Variants in DUSP10 observed in about 807,000 individuals in gnomAD.
The protein encoded by DUSP10 is dual specificity phosphatase 10, also known as dual specificity protein phosphatase 10.
Under a neutral mutation model 30.8 loss-of-function variants are expected in DUSP10, and 14 were observed. That is an observed-to-expected ratio of 0.46 (90% CI 0.30 to 0.71). DUSP10 has a LOEUF of 0.71. Ranked by LOEUF, DUSP10 falls within the 30% of genes least tolerant of loss-of-function variation. DUSP10 has a pLI of 0.08. For synonymous variants in DUSP10, 254 were observed against 250.4 expected (o/e 1.01, Z -0.14); for missense variants, 550 against 619.4 (o/e 0.89, Z 1.19).
intron 2 of DUSP10, among the ~76,000 whole-genome samples, chr1:221,726,225 C>A (rs1364187974): frequency 6.6e-6 from 1 of 152,200 alleles, no homozygotes; most frequent in Non-Finnish European, 1.5e-5. Flanking sequence ...CCCAAAATGG[C>A]AGCTAGTACC....
At chr1:221,721,740 G>T (rs1661283719) in intron 2 of DUSP10, among the ~76,000 whole-genome samples, 1 of 152,178 alleles carries the variant, frequency 6.6e-6, no homozygotes, top group Non-Finnish European at 1.5e-5. Flanking sequence ...ATGGAAGGTA[G>T]TCATGAAAGG....
chr1:221,719,663 C>T (rs1661220710), intron 2 of DUSP10, among the ~76,000 whole-genome samples: 1 of 152,216 alleles, frequency 6.6e-6, no homozygotes, highest in Non-Finnish European at 1.5e-5. Context: ...GAATGAAGCG[C>T]TGACCTGGGA....
intron 2 of DUSP10, among the ~76,000 whole-genome samples, chr1:221,730,540 C>T (rs997039548): frequency 6.6e-6 from 1 of 152,078 alleles, no homozygotes; most frequent in African/African-American, 2.4e-5. Context: ...GGGTTGGGGG[C>T]GGTGGCCTGA....
At chr1:221,714,686 G>C (rs1028068294) in intron 2 of DUSP10, among the ~76,000 whole-genome samples, 5 of 152,044 alleles carry the variant, frequency 3.3e-5, no homozygotes, top group Admixed American at 3.3e-4. Context: ...TTTTCCTCTG[G>C]GAAGTCACCT....
intron 2 of DUSP10, among the ~76,000 whole-genome samples, chr1:221,737,781 G>A (rs1310926229): frequency 6.6e-6 from 1 of 152,224 alleles, no homozygotes; most frequent in African/African-American, 2.4e-5. Context: ...GGGAAGACAA[G>A]AAGGAGAATG....
chr1:221,732,236 G>A (rs1269218252), intron 2 of DUSP10, among the ~76,000 whole-genome samples: 2 of 152,222 alleles, frequency 1.3e-5, no homozygotes, highest in African/African-American at 4.8e-5. Context: ...CAGCTGTGGA[G>A]ACCACCTACC....
chr1:221,716,523 TCA>T (rs1661112376), intron 2 of DUSP10, among the ~76,000 whole-genome samples: 3 of 151,798 alleles, frequency 2.0e-5, no homozygotes, highest in Admixed American at 6.6e-5. Context: ...CTGTGTAGTC[TCA>T]TTTTTTTTTC....
rs1245367877 is a variant in DUSP10, at chr1:221,702,486, C to T, written c.1375G>A (p.Glu459Lys). Reference protein sequence around the residue: ...LNFMGQLLEFEEDLNNGVTPR... With the variant: ...LNFMGQLLEFKEDLNNGVTPR... Reference sequence around the variant, plus strand: ...GTCACACCGTTGTTTAGGTCTTCCTCGAACTCTAGCAACTGCCCCATGAAG... The same window carrying T: ...GTCACACCGTTGTTTAGGTCTTCCTTGAACTCTAGCAACTGCCCCATGAAG... The change falls in exon 4 of 4, where the codon GAG becomes AAG. Residue 459 changes from glutamate (E) to lysine (K), a missense_variant. Physicochemically the swap from Glu to Lys is moderately conservative, Grantham distance 56. Transcript: ENST00000366899. This position sits in a 1 kb window ranked among gnomAD's most constrained non-coding sequence, Gnocchi z 4.5. The T allele has an allele frequency of 3.1e-6, 5 of 1,613,982 alleles. No individual in the cohort carries two copies. The highest frequency in any genetic ancestry group is 1.7e-5 in the Admixed American group (1 of 59,982).
chr1:221,714,307 A>G (rs1661029169), intron 2 of DUSP10, among the ~76,000 whole-genome samples: 1 of 152,186 alleles, frequency 6.6e-6, no homozygotes, highest in Non-Finnish European at 1.5e-5. Flanking sequence ...CCTTTTAATG[A>G]AAAGCAGCCC....
intron 2 of DUSP10, among the ~76,000 whole-genome samples, chr1:221,733,031 G>C (rs963040375): frequency 1.2e-4 from 19 of 152,200 alleles, no homozygotes; most frequent in African/African-American, 4.6e-4. Context: ...AACCAACTTG[G>C]ATTAAACTGC....
At position 221,706,276 on chromosome 1, in the gene DUSP10, C is replaced by T. The variant is rs757999898; in HGVS notation, c.1002G>A (p.Glu334=). The change falls in exon 3 of 4, where the codon GAG becomes GAA. Residue 334 remains glutamate, a synonymous_variant. Coordinates refer to ENST00000366899, the MANE Select transcript of DUSP10 (RefSeq NM_007207.6). This position sits in a 1 kb window ranked among gnomAD's most constrained non-coding sequence, Gnocchi z 4.6. ...PILPFLFLGN[E]QDAQDLDTMQ... Reference sequence around the variant, plus strand: ...TGGTGTCCAGGTCCTGAGCATCCTGCTCATTGCCAAGGAACAGGAAGGGCA... The same window carrying T: ...TGGTGTCCAGGTCCTGAGCATCCTGTTCATTGCCAAGGAACAGGAAGGGCA... 8 of 1,614,180 alleles carry T rather than the reference C, an allele frequency of 5.0e-6. No homozygotes were observed. In the Admixed American group the frequency reaches 5.0e-5, roughly 10 times the overall value.
chr1:221,725,352 G>A (rs148055008), intron 2 of DUSP10, among the ~76,000 whole-genome samples: 121 of 152,284 alleles, frequency 7.9e-4, no homozygotes, highest in African/African-American at 2.8e-3. Context: ...AAGTCTCTGT[G>A]TCTTTTAATA....
intron 1 of DUSP10, among the ~76,000 whole-genome samples, chr1:221,740,613 A>G (rs994931735): frequency 3.9e-5 from 6 of 152,146 alleles, no homozygotes; most frequent in African/African-American, 1.4e-4. Flanking sequence ...GGAAAGGACA[A>G]CTTGGGCTCT....
rs879355849 is a variant in DUSP10, at chr1:221,703,219, G to GTGTA, written c.1184-543_1184-542insTACA. On this transcript the variant is annotated intron_variant, in intron 3 of 3. Transcript: ENST00000366899. ...TGTGTGTATGTGTGTGTGTGTGTGT[G>GTGTA]TATATATATATATATGCAGTTCCTC... 4.1e-4 allele frequency among the ~76,000 whole-genome samples: 61 copies of GTGTA among 149,426 alleles called. 1 individual carries two copies. The highest frequency in any genetic ancestry group is 6.9e-3 in the Middle Eastern group (2 of 290).
intron 2 of DUSP10, chr1:221,711,891 G>A (rs532960965): frequency 1.3e-5 from 2 of 152,240 alleles, no homozygotes; most frequent in Non-Finnish European, 2.9e-5. Context: ...ATAAGCACAA[G>A]AATCTGTGGA....
chr1:221,714,813 C>T (rs1328530016), intron 2 of DUSP10, among the ~76,000 whole-genome samples: 1 of 152,150 alleles, frequency 6.6e-6, no homozygotes, highest in Non-Finnish European at 1.5e-5. Context: ...AGACAACGAA[C>T]CCCGGTTATT....
Position 221,706,384 on chromosome 1 carries a change from GC to G in DUSP10, c.893del (p.Gly298AlafsTer49). On this transcript the variant is annotated frameshift_variant, in exon 3 of 4. Transcript: ENST00000366899. LOFTEE classifies it high-confidence loss of function. The surrounding 1 kb of genome is among the most constrained non-coding windows in gnomAD (Gnocchi z 4.6). Reference sequence around the variant, plus strand: ...GCAAGCTCGAGGCCGCGGATGCGCCGCCCCCCACCTCCCGGCACTCTTGGAG... The same window carrying G: ...GCAAGCTCGAGGCCGCGGATGCGCCGCCCCCACCTCCCGGCACTCTTGGAG... ...LQLQECREVG[G>X]GASAASSLLP... The G allele has an allele frequency of 1.3e-6, 2 of 1,583,714 alleles. No individual in the cohort carries two copies. The highest frequency in any genetic ancestry group is 1.7e-6 in the Non-Finnish European group (2 of 1,162,078).
chr1:221,732,143 G>A (rs1661628858), intron 2 of DUSP10, among the ~76,000 whole-genome samples: 1 of 152,174 alleles, frequency 6.6e-6, no homozygotes, highest in Non-Finnish European at 1.5e-5. Flanking sequence ...TGCCCAGCCT[G>A]CAGATTAGTG....
At position 221,702,531 on chromosome 1, in the gene DUSP10, T is replaced by C. The variant is rs139038197; in HGVS notation, c.1330A>G (p.Ile444Val). The part of the protein sequence containing the change: ...AYKFVKGKRP[I>V]ISPNLNFMGQ... ...ATGAAGTTAAGGTTTGGGGAGATAA[T>C]TGGTCGTTTGCCTTTGACAAATTTA... Residue 444 changes from isoleucine (I) to valine (V), a missense_variant, in exon 4 of 4, where the codon ATT (isoleucine) becomes GTT (valine). Transcript: ENST00000366899. The surrounding 1 kb of genome is among the most constrained non-coding windows in gnomAD (Gnocchi z 4.5). 2.5e-6 allele frequency: 4 copies of C among 1,614,136 alleles called. No homozygotes were observed. The highest frequency in any genetic ancestry group is 3.4e-6 in the Non-Finnish European group (4 of 1,180,026).
Sources: allele counts gnomAD v4.1 joint callset (sites outside exome capture counted in the v4.1 genomes callset), GRCh38; gene constraint gnomAD v4.1.1; non-coding constraint Gnocchi (gnomAD v3.1); transcripts MANE v1.5; gene names NCBI Gene and HGNC (gene_info 2026-07-23, HGNC 2026-07-21).